ERCC6L2: variants seen among roughly 807,000 people sequenced by gnomAD.
ERCC6L2 encodes ERCC excision repair 6 like 2, also known as DNA excision repair protein ERCC-6-like 2.
A neutral mutation model predicts 132.0 loss-of-function variants in ERCC6L2; 77 were observed. The ratio of observed to expected loss-of-function variants is 0.58; its 90% CI spans 0.49 to 0.71. The LOEUF (loss-of-function observed/expected upper bound fraction) is 0.71, where lower values mean the gene tolerates loss of function less well. Ranked by LOEUF, ERCC6L2 falls within the 30% of genes least tolerant of loss-of-function variation. The probability of loss-of-function intolerance (pLI) is 0.00; values close to 1 mark genes in which losing one functional copy is unlikely to be tolerated. For missense variants in ERCC6L2, 1,542 were observed against 1,837.6 expected (o/e 0.84, Z 2.94); for synonymous variants, 583 against 632.4 (o/e 0.92, Z 1.17).
downstream of ERCC6L2, chr9:96,020,952 G>C (rs774963493): frequency 2.2e-6 from 1 of 456,740 alleles, no homozygotes; most frequent in South Asian, 1.5e-5. Context: ...GCCGGGGAGC[G>C]GGGAGAGGGC....
chr9:96,004,881 AATTG>A, intron 18 of ERCC6L2, 180 bp downstream of exon 18: 1 of 357,580 alleles, frequency 2.8e-6, no homozygotes, highest in Non-Finnish European at 5.4e-6. Context: ...CTAATCCCTG[AATTG>A]ATTACCATAA....
chr9:95,947,140 A>G (rs775567510), intron 12 of ERCC6L2, among the ~76,000 whole-genome samples: 2 of 152,218 alleles, frequency 1.3e-5, no homozygotes, highest in Non-Finnish European at 2.9e-5. Flanking sequence ...GAAAGCCAAG[A>G]TGGGCCAAAA....
Position 95,902,835 on chromosome 9 carries a change from T to G in ERCC6L2, c.595-4243T>G, listed in dbSNP as rs560553543. On this transcript the variant is annotated intron_variant, in intron 3 of 18. Coordinates refer to ENST00000653738, the MANE Select transcript of ERCC6L2 (RefSeq NM_020207.7). Reference sequence around the variant, plus strand: ...GTTTAAAAGCTATTTTTAAATCTAATTCTCGTTTTTAATCATAGTCCTTGA... The same window carrying G: ...GTTTAAAAGCTATTTTTAAATCTAAGTCTCGTTTTTAATCATAGTCCTTGA... Among the ~76,000 whole-genome samples, 125 of 152,304 alleles carry G rather than the reference T, an allele frequency of 8.2e-4. 1 individual carries two copies. Among genetic ancestry groups the G allele is most frequent in the Non-Finnish European group, 4.7e-4 (32 of 67,988 alleles).
chr9:95,926,999 T>A (rs1830129191), intron 9 of ERCC6L2, among the ~76,000 whole-genome samples: 1 of 152,090 alleles, frequency 6.6e-6, no homozygotes, highest in African/African-American at 2.4e-5. Context: ...TTAAAAAGTC[T>A]TATGTGAAAT....
intron 9 of ERCC6L2, 40 bp from the exon 10 acceptor site, chr9:95,928,039 G>T (rs1830175248): frequency 2.1e-6 from 3 of 1,416,502 alleles, no homozygotes; most frequent in Non-Finnish European, 3.0e-6. Context: ...TGTACTTTTA[G>T]TTGGAACTGG....
chr9:95,896,273 C>T (rs1172121395), intron 2 of ERCC6L2, among the ~76,000 whole-genome samples: 1 of 151,918 alleles, frequency 6.6e-6, no homozygotes, highest in Non-Finnish European at 1.5e-5. Context: ...GAATATCATC[C>T]GTAGGTATAA....
At chr9:95,882,881 T>A (rs1827668538) in intron 2 of ERCC6L2, among the ~76,000 whole-genome samples, 1 of 152,202 alleles carries the variant, frequency 6.6e-6, no homozygotes, top group Non-Finnish European at 1.5e-5. Context: ...TTCCACAAAC[T>A]ATCATTTAGC....
At chr9:95,907,978 A>G (rs80166550) in intron 4 of ERCC6L2, among the ~76,000 whole-genome samples, 18,390 of 152,056 alleles carry the variant, frequency 0.12, 1,250 homozygotes, top group African/African-American at 0.16. Context: ...GAGGATTTTG[A>G]TCTTTATCCT....
intron 15 of ERCC6L2, among the ~76,000 whole-genome samples, chr9:95,971,358 G>A (rs973890239): frequency 1.3e-5 from 2 of 152,062 alleles, no homozygotes; most frequent in Admixed American, 1.3e-4. Flanking sequence ...TAGAAAACTA[G>A]GTTATATTTA....
intron 13 of ERCC6L2, among the ~76,000 whole-genome samples, chr9:95,959,722 G>T (rs1831810040): frequency 6.7e-6 from 1 of 150,218 alleles, no homozygotes; most frequent in African/African-American, 2.5e-5. Flanking sequence ...CAAAGGACAT[G>T]AACAGACACT....
At chr9:95,935,801 T>C (rs903201835) in intron 11 of ERCC6L2, among the ~76,000 whole-genome samples, 1 of 152,140 alleles carries the variant, frequency 6.6e-6, no homozygotes, top group Non-Finnish European at 1.5e-5. Context: ...TTAATGGGTT[T>C]TAAGCTACAA....
intron 12 of ERCC6L2, among the ~76,000 whole-genome samples, chr9:95,949,955 C>T (rs1223722360): frequency 2.7e-5 from 4 of 150,282 alleles, no homozygotes; most frequent in Non-Finnish European, 4.4e-5. Flanking sequence ...TGCAGTGAGC[C>T]GAGATGCCGA....
chr9:95,934,624 T>C (rs1264313721), intron 11 of ERCC6L2, among the ~76,000 whole-genome samples: 6 of 152,076 alleles, frequency 3.9e-5, no homozygotes, highest in African/African-American at 1.4e-4. Context: ...TCATTCTTGG[T>C]TTTGACTTTC....
At chr9:95,936,455 T>C (rs961768478) in intron 11 of ERCC6L2, among the ~76,000 whole-genome samples, 24 of 152,216 alleles carry the variant, frequency 1.6e-4, no homozygotes, top group African/African-American at 5.8e-4. Flanking sequence ...GGTAGCACCC[T>C]GACTGCCTGT....
At chr9:96,031,798 G>A (rs1834463652) in intron 19 of ERCC6L2, among the ~76,000 whole-genome samples, 1 of 152,252 alleles carries the variant, frequency 6.6e-6, no homozygotes, top group East Asian at 1.9e-4. Flanking sequence ...CTTGACCCTG[G>A]GCACTGCAGA....
At chr9:95,893,245 C>T (rs1828263052) in intron 2 of ERCC6L2, among the ~76,000 whole-genome samples, 1 of 152,132 alleles carries the variant, frequency 6.6e-6, no homozygotes, top group African/African-American at 2.4e-5. Flanking sequence ...CTGATAACTA[C>T]CTAATACCTA....
At position 95,966,631 on chromosome 9, in the gene ERCC6L2, G is replaced by C; in HGVS notation, c.2017G>C (p.Glu673Gln). ...RYFEAVQGSK[E>Q]HQGELFGIHN... ...TTTTGAAGCAGTTCAAGGATCTAAA[G>C]AGCATCAAGGAGAGCTTTTTGGGAT... The change falls in exon 14 of 19, where the codon GAG becomes CAG. Residue 673 changes from glutamate (E) to glutamine (Q), a missense_variant. Physicochemically the swap from Glu to Gln is conservative, Grantham distance 29 (BLOSUM62 2). Coordinates refer to ENST00000653738, the MANE Select transcript of ERCC6L2 (RefSeq NM_020207.7). The C allele has an allele frequency of 6.5e-7, 1 of 1,544,840 alleles. No individual in the cohort carries two copies. The highest frequency in any genetic ancestry group is 8.8e-7 in the Non-Finnish European group (1 of 1,131,226).
Position 95,916,429 on chromosome 9 carries a change from G to A in ERCC6L2, c.1153G>A (p.Asp385Asn). The change falls in exon 6 of 19, where the codon GAC (aspartate) becomes AAC (asparagine). Residue 385 changes from aspartate to asparagine, a missense_variant. Coordinates refer to ENST00000653738, the MANE Select transcript of ERCC6L2 (RefSeq NM_020207.7). ...CAAGGATCAGTTGCCTAAGAAGGAA[G>A]ACCGGGTAAGAACCGCATTTGTATA... ...LIKDQLPKKE[D>N]RMVYCSLTDF... 6.4e-7 allele frequency: 1 copy of A among 1,557,082 alleles called. No individual in the cohort carries two copies. Among genetic ancestry groups the A allele is most frequent in the Non-Finnish European group, 8.6e-7 (1 of 1,158,886 alleles).
Position 96,012,546 on chromosome 9 carries a change from T to C in ERCC6L2, c.3996T>C (p.Tyr1332=). 1 of 1,367,284 alleles carries C rather than the reference T, an allele frequency of 7.3e-7. No individual in the cohort carries two copies. Among genetic ancestry groups the C allele is most frequent in the Non-Finnish European group, 9.8e-7 (1 of 1,021,700 alleles). The allele number at this position is 1,367,284 out of a possible 1,614,324, so 84.7% of individuals were successfully genotyped here. The part of the protein sequence containing the change: ...KISQVCSLKT[Y]KRKSVKFQNH... Reference sequence around the variant, plus strand: ...CTCAAGTTTGCAGCCTAAAAACATATAAAAGAAAATCAGTTAAGTTTCAGA... The same window carrying C: ...CTCAAGTTTGCAGCCTAAAAACATACAAAAGAAAATCAGTTAAGTTTCAGA... Residue 1332 remains tyrosine, a synonymous_variant, in exon 19 of 19, where the codon TAT becomes TAC. Coordinates refer to ENST00000653738, the MANE Select transcript of ERCC6L2 (RefSeq NM_020207.7).
Sources: gnomAD v4.1 joint callset for allele counts (sites outside exome capture counted in the v4.1 genomes callset) on GRCh38, gnomAD v4.1.1 for gene constraint, MANE v1.5 for transcripts, NCBI Gene and HGNC (gene_info 2026-07-23, HGNC 2026-07-21) for gene names.